The following MAGI1 variants were observed in gnomAD, a reference collection of about 807,000 sequenced individuals.
MAGI1 encodes the protein membrane associated guanylate kinase, WW and PDZ domain containing 1, also known as membrane-associated guanylate kinase, WW and PDZ domain-containing protein 1.
Under a neutral mutation model 139.9 loss-of-function variants are expected in MAGI1, and 58 were observed. That is an observed-to-expected ratio of 0.41 (90% CI 0.34 to 0.52). The LOEUF is 0.52. Among genes scored for constraint, MAGI1 ranks in the 20% least tolerant of loss-of-function variants. The pLI is 0.12. For synonymous variants in MAGI1, 812 were observed against 737.9 expected (o/e 1.10, Z -1.63); for missense variants, 1,874 against 1,901.6 (o/e 0.99, Z 0.27).
At chr3:65,414,888 G>A (rs1004974998) in intron 12 of MAGI1, among the ~76,000 whole-genome samples, 2 of 150,888 alleles carry the variant, frequency 1.3e-5, no homozygotes, top group Admixed American at 1.3e-4. Flanking sequence ...AATTAGCCGG[G>A]TGTGGTGGTG....
chr3:65,775,384 G>A (rs1188653538), intron 1 of MAGI1, among the ~76,000 whole-genome samples: 2 of 151,090 alleles, frequency 1.3e-5, no homozygotes, highest in Non-Finnish European at 2.9e-5. Flanking sequence ...AGGACTTGGA[G>A]GTTCCAGTAA....
At chr3:65,916,419 T>C (rs778800197) in intron 1 of MAGI1, among the ~76,000 whole-genome samples, 3 of 152,180 alleles carry the variant, frequency 2.0e-5, no homozygotes, top group Non-Finnish European at 4.4e-5. Context: ...CACAGTTCCA[T>C]GTGGCTGGGG....
intron 2 of MAGI1, among the ~76,000 whole-genome samples, chr3:65,589,759 C>T (rs749083571): frequency 3.3e-5 from 5 of 151,614 alleles, no homozygotes; most frequent in African/African-American, 7.3e-5. Flanking sequence ...TTATTTACCA[C>T]GACATGCAGT....
chr3:66,003,505 T>A (rs77281359), intron 1 of MAGI1, among the ~76,000 whole-genome samples: 26 of 152,192 alleles, frequency 1.7e-4, no homozygotes, highest in African/African-American at 6.0e-4. Flanking sequence ...TTGCCCAGAC[T>A]GGAATGCAAT....
intron 1 of MAGI1, among the ~76,000 whole-genome samples, chr3:65,981,760 T>C (rs1267125673): frequency 1.3e-5 from 2 of 152,124 alleles, no homozygotes; most frequent in African/African-American, 4.8e-5. Flanking sequence ...TTTTGCTCGG[T>C]TCTTATTTTT....
chr3:65,589,783 C>T (rs925434572), intron 2 of MAGI1, among the ~76,000 whole-genome samples: 13 of 151,854 alleles, frequency 8.6e-5, no homozygotes, highest in African/African-American at 2.9e-4. Flanking sequence ...CCAAATCTGA[C>T]CTCAGGACCC....
intron 2 of MAGI1, among the ~76,000 whole-genome samples, chr3:65,528,661 G>A (rs1247299747): frequency 1.3e-5 from 2 of 152,132 alleles, no homozygotes; most frequent in Non-Finnish European, 2.9e-5. Context: ...GTGTAGCAGA[G>A]AACAAATGCT....
intron 1 of MAGI1, among the ~76,000 whole-genome samples, chr3:65,863,483 A>T (rs2108451962): frequency 6.6e-6 from 1 of 152,362 alleles, no homozygotes; most frequent in East Asian, 1.9e-4. Context: ...CGTATCATTA[A>T]GTAGTATGCC....
intron 1 of MAGI1, among the ~76,000 whole-genome samples, chr3:65,741,971 A>C (rs2035312950): frequency 6.6e-6 from 1 of 152,182 alleles, no homozygotes; most frequent in South Asian, 2.1e-4. Flanking sequence ...AGCATAGAGG[A>C]GGTGCCACCT....
At chr3:65,940,303 A>G (rs1198406444) in intron 1 of MAGI1, among the ~76,000 whole-genome samples, 1 of 152,246 alleles carries the variant, frequency 6.6e-6, no homozygotes, top group Non-Finnish European at 1.5e-5. Context: ...ATGTTGCTAT[A>G]ACGAAATATC....
At chr3:65,382,942 C>T (rs926529003) in intron 15 of MAGI1, among the ~76,000 whole-genome samples, 4 of 152,210 alleles carry the variant, frequency 2.6e-5, no homozygotes, top group South Asian at 4.2e-4. Context: ...AGGAAATTAA[C>T]GATACCTATT....
chr3:65,636,841 C>T (rs763721258), intron 1 of MAGI1, among the ~76,000 whole-genome samples: 1 of 152,190 alleles, frequency 6.6e-6, no homozygotes, highest in African/African-American at 2.4e-5. Context: ...CTGGCACTTG[C>T]CATCAAATAG....
At chr3:65,985,691 A>G (rs1351001733) in intron 1 of MAGI1, among the ~76,000 whole-genome samples, 2 of 152,162 alleles carry the variant, frequency 1.3e-5, no homozygotes, top group African/African-American at 4.8e-5. Context: ...TTTGGAGGAA[A>G]TGTCATATTG....
chr3:65,976,351 AGGCATGGT>A (rs2065265150), intron 1 of MAGI1, among the ~76,000 whole-genome samples: 1 of 152,114 alleles, frequency 6.6e-6, no homozygotes, highest in African/African-American at 2.4e-5. Context: ...TTTTTGGGCC[AGGCATGGT>A]GGCTCATGCC....
At chr3:65,545,283 T>A (rs1340692971) in intron 2 of MAGI1, among the ~76,000 whole-genome samples, 1 of 152,180 alleles carries the variant, frequency 6.6e-6, no homozygotes, top group African/African-American at 2.4e-5. Flanking sequence ...GTCAGCCACT[T>A]ACTTTTGATG....
At chr3:65,993,470 G>A (rs2066283848) in intron 1 of MAGI1, among the ~76,000 whole-genome samples, 1 of 152,172 alleles carries the variant, frequency 6.6e-6, no homozygotes, top group African/African-American at 2.4e-5. Flanking sequence ...AACTCACAGA[G>A]AAACACACTT....
intron 1 of MAGI1, among the ~76,000 whole-genome samples, chr3:65,930,315 C>CAAAAAAAAAAAAAAAA (rs58258730): frequency 2.2e-4 from 19 of 87,622 alleles, no homozygotes; most frequent in Non-Finnish European, 4.1e-4. Flanking sequence ...GACTCCGTCT[C>CAAAAAAAAAAAAAAAA]AAAAAAAAAA....
chr3:65,435,831 A>G (rs1354861243), intron 10 of MAGI1, among the ~76,000 whole-genome samples: 1 of 152,154 alleles, frequency 6.6e-6, no homozygotes, highest in African/African-American at 2.4e-5. Flanking sequence ...AAACAGAAGG[A>G]ACAGCCACTG....
chr3:65,677,677 G>A (rs550809675), intron 1 of MAGI1, among the ~76,000 whole-genome samples: 1 of 152,198 alleles, frequency 6.6e-6, no homozygotes. Flanking sequence ...TAGTATGGGA[G>A]TTTGGTGGGA....
Sources: allele counts gnomAD v4.1 joint callset (sites outside exome capture counted in the v4.1 genomes callset), GRCh38; gene constraint gnomAD v4.1.1; transcripts MANE v1.5; gene names NCBI Gene and HGNC (gene_info 2026-07-23, HGNC 2026-07-21).